Variants in AKT3 observed in about 807,000 individuals in gnomAD.
AKT3 encodes AKT serine/threonine kinase 3.
Under a neutral mutation model 65.3 loss-of-function variants are expected in AKT3, and 15 were observed. The ratio of observed to expected loss-of-function variants is 0.23; its 90% confidence interval spans 0.15 to 0.35. The LOEUF is 0.35. AKT3 is among the 10% of genes least tolerant of loss of function. The pLI, the probability that AKT3 is intolerant of heterozygous loss-of-function variation, is 1.00. For missense variants in AKT3, 243 were observed against 576.5 expected, an observed-to-expected ratio of 0.42 and a Z score of 5.92; for synonymous variants, 206 against 183.8, an observed-to-expected ratio of 1.12 and a Z score of -0.98.
chr1:243,829,824 A>G (rs1189376577), intron 2 of AKT3, among the ~76,000 whole-genome samples: 2 of 152,204 alleles, frequency 1.3e-5, no homozygotes, highest in Non-Finnish European at 2.9e-5. Context: ...AAACATAATA[A>G]AAGTTCCCTT....
intron 2 of AKT3, among the ~76,000 whole-genome samples, chr1:243,764,355 G>GA: frequency 6.6e-6 from 1 of 151,950 alleles, no homozygotes; most frequent in East Asian, 1.9e-4. Flanking sequence ...ATCCTTATGG[G>GA]AAAAAAATAC....
At chr1:243,652,198 C>T (rs976891126) in intron 4 of AKT3, among the ~76,000 whole-genome samples, 1 of 151,948 alleles carries the variant, frequency 6.6e-6, no homozygotes, top group African/African-American at 2.4e-5. Context: ...CAGGTGTCTG[C>T]CCCCATGCTT....
intron 2 of AKT3, among the ~76,000 whole-genome samples, chr1:243,756,357 C>A (rs570907641): frequency 1.3e-5 from 2 of 152,206 alleles, no homozygotes; most frequent in African/African-American, 4.8e-5. Flanking sequence ...AGGGCTGAAG[C>A]AGGGATATCA....
chr1:243,799,687 C>G (rs145802229), intron 2 of AKT3, among the ~76,000 whole-genome samples: 1 of 152,230 alleles, frequency 6.6e-6, no homozygotes, highest in Non-Finnish European at 1.5e-5. Flanking sequence ...AATTAACTTT[C>G]AAATATATGA....
intron 1 of AKT3, among the ~76,000 whole-genome samples, chr1:243,845,222 C>T (rs1558867069): frequency 6.6e-6 from 1 of 151,632 alleles, no homozygotes; most frequent in Non-Finnish European, 1.5e-5. Context: ...AGCTATGTAG[C>T]TGAATGCAAG....
Position 243,492,841 on chromosome 1 carries a change from A to G in AKT3, c.*7-4391T>C, listed in dbSNP as rs974424108. On this transcript the variant is annotated intron_variant, in intron 13 of 13. Transcript: ENST00000336199. ...AGGCTGGTCTCGAACTCCTGACCTCAGGTGATCTGCCCACCTTGGCCTCCC... is the reference window on the plus strand; with the variant it reads ...AGGCTGGTCTCGAACTCCTGACCTCGGGTGATCTGCCCACCTTGGCCTCCC... Among the ~76,000 whole-genome samples, 105 of 152,150 alleles carry G rather than the reference A, an allele frequency of 6.9e-4. 1 individual carries two copies. Among genetic ancestry groups the G allele is most frequent in the African/African-American group, 2.4e-3 (101 of 41,530 alleles).
At chr1:243,571,995 G>A (rs1476099400) in intron 9 of AKT3, among the ~76,000 whole-genome samples, 1 of 152,024 alleles carries the variant, frequency 6.6e-6, no homozygotes, top group Non-Finnish European at 1.5e-5. Context: ...CAATCATTAC[G>A]TTACATGAAA....
intron 12 of AKT3, among the ~76,000 whole-genome samples, chr1:243,516,881 C>T (rs965980031): frequency 2.0e-5 from 3 of 152,184 alleles, no homozygotes; most frequent in Non-Finnish European, 4.4e-5. Flanking sequence ...AGCTACTGTG[C>T]CCAGTCCTAG....
chr1:243,586,043 G>A (rs2148538558), intron 8 of AKT3, among the ~76,000 whole-genome samples: 1 of 152,162 alleles, frequency 6.6e-6, no homozygotes, highest in Admixed American at 6.5e-5. Flanking sequence ...CTAAACACAA[G>A]TAACCCAATA....
intron 2 of AKT3, among the ~76,000 whole-genome samples, chr1:243,728,945 G>A (rs572863858): frequency 4.6e-5 from 7 of 152,296 alleles, no homozygotes; most frequent in African/African-American, 1.4e-4. Flanking sequence ...ACTGATACAA[G>A]ATCAGAAAGG....
At chr1:243,669,003 C>G (rs1682991532) in intron 3 of AKT3, among the ~76,000 whole-genome samples, 1 of 151,896 alleles carries the variant, frequency 6.6e-6, no homozygotes, top group Non-Finnish European at 1.5e-5. Flanking sequence ...AAAAAATAAG[C>G]AAAAATATTG....
At chr1:243,823,666 C>T (rs900046883) in intron 2 of AKT3, among the ~76,000 whole-genome samples, 2 of 152,096 alleles carry the variant, frequency 1.3e-5, no homozygotes, top group Non-Finnish European at 2.9e-5. Flanking sequence ...AACTCCCATT[C>T]ATAATTGCTA....
chr1:243,813,388 A>T (rs983421934), intron 2 of AKT3, among the ~76,000 whole-genome samples: 16 of 152,254 alleles, frequency 1.1e-4, no homozygotes, highest in Middle Eastern at 3.4e-3. Flanking sequence ...GGTTCAGTGT[A>T]TATTGCTTGG....
intron 2 of AKT3, among the ~76,000 whole-genome samples, chr1:243,750,708 AGTAGCTGGGACTACAG>A (rs949790429): frequency 5.9e-5 from 9 of 151,572 alleles, no homozygotes; most frequent in Admixed American, 3.9e-4. Flanking sequence ...CAGCTTCTCG[AGTAGCTGGGACTACAG>A]GTGCCTGCCA....
chr1:243,667,234 G>A (rs1379812026), intron 3 of AKT3, among the ~76,000 whole-genome samples: 2 of 152,040 alleles, frequency 1.3e-5, no homozygotes, highest in Admixed American at 6.6e-5. Flanking sequence ...TAAACCTCCC[G>A]GCTGCCCTAA....
chr1:243,649,939 T>C (rs1681177621), intron 4 of AKT3, among the ~76,000 whole-genome samples: 1 of 152,200 alleles, frequency 6.6e-6, no homozygotes, highest in South Asian at 2.1e-4. Flanking sequence ...ACTAATGGGA[T>C]TGCTAGGTCA....
chr1:243,660,838 A>C (rs1418601906), intron 4 of AKT3, among the ~76,000 whole-genome samples: 1 of 152,088 alleles, frequency 6.6e-6, no homozygotes, highest in Non-Finnish European at 1.5e-5. Context: ...AAATCTCCTT[A>C]AGCTGATAAG....
intron 2 of AKT3, among the ~76,000 whole-genome samples, chr1:243,699,930 C>A (rs1485373814): frequency 2.6e-5 from 4 of 152,180 alleles, no homozygotes; most frequent in East Asian, 1.9e-4. Flanking sequence ...AGCCAAGGAG[C>A]ACCTAGAGCC....
At chr1:243,651,811 G>T (rs1013347648) in intron 4 of AKT3, among the ~76,000 whole-genome samples, 1 of 152,018 alleles carries the variant, frequency 6.6e-6, no homozygotes, top group African/African-American at 2.4e-5. Flanking sequence ...TTTTACTGAG[G>T]ATTTTTGCAT....
Sources: allele counts gnomAD v4.1 joint callset (sites outside exome capture counted in the v4.1 genomes callset), GRCh38; gene constraint gnomAD v4.1.1; transcripts MANE v1.5; gene names NCBI Gene and HGNC (gene_info 2026-07-23, HGNC 2026-07-21).